Variants in EML6 observed in about 807,000 individuals in gnomAD.
The protein encoded by EML6 is echinoderm microtubule-associated protein-like 6.
In EML6, 154 loss-of-function variants were observed where a neutral mutation model predicts 240.1. That is an observed-to-expected ratio of 0.64 (90% confidence interval 0.56 to 0.73). The LOEUF (loss-of-function observed/expected upper bound fraction) is 0.73. Ranked by LOEUF, EML6 falls within the 30% of genes least tolerant of loss-of-function variation. The pLI is 0.00. For synonymous variants in EML6, 1,148 were observed against 899.0 expected (o/e 1.28, Z -4.95); for missense variants, 2,964 against 2,474.6 (o/e 1.20, Z -4.20).
intron 16 of EML6, among the ~76,000 whole-genome samples, chr2:54,875,080 G>C (rs1427608474): frequency 6.6e-6 from 1 of 152,110 alleles, no homozygotes; most frequent in African/African-American, 2.4e-5. Context: ...CAGTGTGCAG[G>C]CTCACTTTCT....
At chr2:54,884,722 G>T (rs1672028903) in intron 17 of EML6, among the ~76,000 whole-genome samples, 1 of 152,174 alleles carries the variant, frequency 6.6e-6, no homozygotes, top group Non-Finnish European at 1.5e-5. Flanking sequence ...TCACAAAAAA[G>T]ATTTTTGTAA....
rs1573092691 is a variant in EML6, at chr2:54,895,265, T to A, written c.2855-8T>A. The A allele has an allele frequency of 1.9e-6, 3 of 1,551,372 alleles. No homozygotes were observed. In the East Asian group the frequency reaches 7.3e-5, roughly 38 times the overall value. ...TTATTGTGTTAAATATACCATCCCC[T>A]TCCCCAGGCTTGCTTTTGGAAGATA... On this transcript the variant is annotated splice_region_variant and splice_polypyrimidine_tract_variant and intron_variant, in intron 20 of 41. Transcript: ENST00000356458.
intron 10 of EML6, among the ~76,000 whole-genome samples, chr2:54,851,910 A>G (rs1339390407): frequency 6.6e-6 from 1 of 152,228 alleles, no homozygotes; most frequent in Non-Finnish European, 1.5e-5. Flanking sequence ...ATCGTAACAC[A>G]GATATCCAGG....
At chr2:54,909,164 A>G (rs560688231) in intron 24 of EML6, among the ~76,000 whole-genome samples, 1 of 152,346 alleles carries the variant, frequency 6.6e-6, no homozygotes, top group Admixed American at 6.5e-5. Flanking sequence ...ATCTAAAATT[A>G]GCCATATTCA....
intron 26 of EML6, 105 bp from the exon 27 acceptor site, chr2:54,928,208 C>A: frequency 1.2e-6 from 1 of 866,612 alleles, no homozygotes; most frequent in Non-Finnish European, 1.9e-6. Context: ...TAGGAAATTG[C>A]TGTTGAACTG....
At chr2:54,849,551 C>G (rs375466302) in intron 9 of EML6, among the ~76,000 whole-genome samples, 1 of 152,184 alleles carries the variant, frequency 6.6e-6, no homozygotes, top group Non-Finnish European at 1.5e-5. Flanking sequence ...TGCAGTGGTG[C>G]CATCTTGACT....
chr2:54,956,563 G>C (rs893415597), intron 32 of EML6, among the ~76,000 whole-genome samples: 2 of 152,150 alleles, frequency 1.3e-5, no homozygotes, highest in African/African-American at 2.4e-5. Flanking sequence ...TAAGTAGAGA[G>C]AGATCTGCTA....
intron 2 of EML6, among the ~76,000 whole-genome samples, chr2:54,788,487 A>T (rs1669211612): frequency 6.6e-6 from 1 of 152,198 alleles, no homozygotes; most frequent in Non-Finnish European, 1.5e-5. Flanking sequence ...GAAAAGAGGT[A>T]TTCTGTGAGA....
At chr2:54,812,177 GTAT>G (rs1235511932) in intron 2 of EML6, among the ~76,000 whole-genome samples, 1 of 152,010 alleles carries the variant, frequency 6.6e-6, no homozygotes, top group Non-Finnish European at 1.5e-5. Flanking sequence ...TCTATTTTCT[GTAT>G]TATCTGTATT....
intron 2 of EML6, among the ~76,000 whole-genome samples, chr2:54,749,002 T>G (rs1684039526): frequency 6.6e-6 from 1 of 152,228 alleles, no homozygotes; most frequent in South Asian, 2.1e-4. Flanking sequence ...AGTATATGCG[T>G]GTTTCTGTAG....
intron 37 of EML6, 65 bp downstream of exon 37, chr2:54,964,223 A>C: frequency 1.3e-6 from 2 of 1,486,230 alleles, no homozygotes; most frequent in Non-Finnish European, 1.8e-6. Flanking sequence ...AGTGGTTCCC[A>C]TTCCAGCCAC....
intron 16 of EML6, among the ~76,000 whole-genome samples, chr2:54,873,052 A>G (rs1671336491): frequency 6.6e-6 from 1 of 152,202 alleles, no homozygotes. Flanking sequence ...AAGCTACTAA[A>G]AAAAGTGAAT....
chr2:54,729,473 G>T (rs2104370022), intron 2 of EML6, among the ~76,000 whole-genome samples: 1 of 152,360 alleles, frequency 6.6e-6, no homozygotes, highest in East Asian at 1.9e-4. Context: ...AACTAAATGT[G>T]TATATCGATT....
At chr2:54,786,531 T>C (rs1044393411) in intron 2 of EML6, among the ~76,000 whole-genome samples, 6 of 152,116 alleles carry the variant, frequency 3.9e-5, no homozygotes, top group African/African-American at 7.2e-5. Context: ...ACCAGTGGGT[T>C]GTGGTGAAGG....
intron 2 of EML6, among the ~76,000 whole-genome samples, chr2:54,756,792 C>T (rs551689149): frequency 9.2e-5 from 14 of 151,982 alleles, no homozygotes; most frequent in African/African-American, 2.2e-4. Context: ...TTGGGTCTTC[C>T]ATCCATTGAT....
chr2:54,799,965 G>A lies in EML6; in HGVS notation c.198-13267G>A, dbSNP rs574661940. 5.9e-5 allele frequency among the ~76,000 whole-genome samples: 9 copies of A among 152,320 alleles called. No individual in the cohort carries two copies. In the South Asian group the frequency reaches 1.9e-3, roughly 32 times the overall value. ...CTTTATAAAGAGATTTGGGGTTTCG[G>A]CCAGGTGTGGTGGCTCACGCCTGTA... On this transcript the variant is annotated intron_variant, in intron 2 of 41. Transcript: ENST00000356458.
intron 13 of EML6, among the ~76,000 whole-genome samples, chr2:54,864,752 A>G (rs1238043188): frequency 2.0e-5 from 3 of 152,254 alleles, no homozygotes; most frequent in African/African-American, 7.2e-5. Context: ...TATTAGGATA[A>G]CAATGCTTAC....
chr2:54,857,630 T>C (rs1262190930), intron 11 of EML6, among the ~76,000 whole-genome samples: 2 of 152,146 alleles, frequency 1.3e-5, no homozygotes, highest in Non-Finnish European at 2.9e-5. Flanking sequence ...AATGCTGGAA[T>C]TGGGCAGTGC....
Position 54,971,375 on chromosome 2 carries a change from A to G in EML6, c.*1280A>G, listed in dbSNP as rs1335652466. The G allele has an allele frequency of 6.6e-6, 1 of 152,192 alleles. No homozygotes were observed. The highest frequency in any genetic ancestry group is 2.4e-5 in the African/African-American group (1 of 41,432). The allele number at this position is 152,192 out of a possible 1,614,324, so 9.4% of individuals were successfully genotyped here. A position where few individuals can be genotyped will look rare whatever the true frequency, so the allele number is the denominator to read the frequency against. ...GTGGCTGACAGTGCTCACTGAAAGG[A>G]GAGTTGGTGCGGGACTGGTGGTTCT... On this transcript the variant is annotated 3_prime_UTR_variant, in exon 42 of 42. Transcript: ENST00000356458.
Sources: allele counts gnomAD v4.1 joint callset (sites outside exome capture counted in the v4.1 genomes callset), GRCh38; gene constraint gnomAD v4.1.1; transcripts MANE v1.5; gene names NCBI Gene and HGNC (gene_info 2026-07-23, HGNC 2026-07-21).